Variants in SDCCAG8 observed in about 807,000 individuals in gnomAD.
SDCCAG8 encodes the protein SHH signaling and ciliogenesis regulator SDCCAG8, also known as serologically defined colon cancer antigen 8.
SDCCAG8 carries 74 observed loss-of-function variants against 101.8 expected under a neutral mutation model. The ratio of observed to expected loss-of-function variants is 0.73; its 90% confidence interval spans 0.60 to 0.88. SDCCAG8 has a LOEUF of 0.88. Among genes scored for constraint, SDCCAG8 ranks in the 40% least tolerant of loss-of-function variants. The pLI is 0.00. For synonymous variants in SDCCAG8, 281 were observed against 292.9 expected (o/e 0.96, Z 0.41); for missense variants, 787 against 822.6 (o/e 0.96, Z 0.53).
intron 1 of SDCCAG8, among the ~76,000 whole-genome samples, chr1:243,263,327 A>T (rs2067331876): frequency 6.6e-6 from 1 of 152,192 alleles, no homozygotes; most frequent in Non-Finnish European, 1.5e-5. Context: ...CCCCTTCCAA[A>T]AGAGAATTAT....
intron 10 of SDCCAG8, among the ~76,000 whole-genome samples, chr1:243,331,342 C>G (rs2074578188): frequency 6.6e-6 from 1 of 152,152 alleles, no homozygotes. Context: ...TGTGGTCCAT[C>G]AAGTAACCAA....
At chr1:243,344,081 T>C (rs1294033283) in intron 11 of SDCCAG8, 134 bp from the exon 12 acceptor site, 9 of 728,476 alleles carry the variant, frequency 1.2e-5, no homozygotes, top group Admixed American at 2.1e-5. Context: ...AATAGTCTAA[T>C]AGAAAATGGC....
chr1:243,481,839 C>CGTAG (rs1663816961), intron 16 of SDCCAG8, among the ~76,000 whole-genome samples: 2 of 152,104 alleles, frequency 1.3e-5, no homozygotes, highest in African/African-American at 2.4e-5. Flanking sequence ...CACTGTAGTC[C>CGTAG]GTAGGTAGCT....
At chr1:243,292,129 C>T (rs1035403497) in intron 5 of SDCCAG8, among the ~76,000 whole-genome samples, 11 of 152,154 alleles carry the variant, frequency 7.2e-5, no homozygotes, top group African/African-American at 1.9e-4. Context: ...TGGATGCATT[C>T]GCCAACCCAG....
At chr1:243,268,137 G>A (rs2067784536) in intron 1 of SDCCAG8, 2 of 644,632 alleles carry the variant, frequency 3.1e-6, no homozygotes, top group South Asian at 3.6e-5. Context: ...CCACACTCCT[G>A]TTTCTTCCGT....
rs529849896 is a variant in SDCCAG8 at position 243,351,501 on chromosome 1, A to G, written c.1473+7170A>G. 3.9e-5 allele frequency among the ~76,000 whole-genome samples: 6 copies of G among 152,370 alleles called. No homozygotes were observed. In the East Asian group the frequency reaches 9.6e-4, roughly 24 times the overall value. On this transcript the variant is annotated intron_variant, in intron 12 of 17. Coordinates refer to ENST00000366541, the MANE Select transcript of SDCCAG8 (RefSeq NM_006642.5). ...ATGTAGTGTGAACTTCATGCTGGCT[A>G]CAGCCCATGAGAGGGAGAATCTGGT... is the stretch of plus-strand genomic sequence containing the variant.
chr1:243,297,451 TC>T (rs2071043815), intron 6 of SDCCAG8, among the ~76,000 whole-genome samples: 1 of 152,194 alleles, frequency 6.6e-6, no homozygotes, highest in African/African-American at 2.4e-5. Flanking sequence ...GGAGTGGAAT[TC>T]TTGCTCTCAG....
Position 243,418,168 on chromosome 1 carries a change from C to T in SDCCAG8, c.1853+92C>T, listed in dbSNP as rs936465978. The T allele has an allele frequency of 7.9e-5, 70 of 881,402 alleles. No homozygotes were observed. The South Asian group carries it at 8.9e-4, about 11-fold the overall frequency. The allele number at this position is 881,402 out of a possible 1,614,324, so 54.6% of individuals were successfully genotyped here. On this transcript the variant is annotated intron_variant, in intron 15 of 17. Transcript: ENST00000366541. Reference sequence around the variant, plus strand: ...AACATCATTTGCACTGTTTTATAGTCTAATGTCAAAATTAGGTATCTGCTG... The same window carrying T: ...AACATCATTTGCACTGTTTTATAGTTTAATGTCAAAATTAGGTATCTGCTG...
At chr1:243,367,741 G>A (rs1406825211) in intron 12 of SDCCAG8, among the ~76,000 whole-genome samples, 2 of 148,920 alleles carry the variant, frequency 1.3e-5, no homozygotes, top group South Asian at 2.1e-4. Context: ...ATGCATTCAT[G>A]TATAATATTA....
chr1:243,380,767 T>G (rs573050354), intron 13 of SDCCAG8, among the ~76,000 whole-genome samples: 1 of 152,076 alleles, frequency 6.6e-6, no homozygotes, highest in Non-Finnish European at 1.5e-5. Context: ...ATTTTCTAAG[T>G]GCGGTACTCT....
chr1:243,354,912 C>T (rs1356559880), intron 12 of SDCCAG8, among the ~76,000 whole-genome samples: 3 of 152,174 alleles, frequency 2.0e-5, no homozygotes, highest in African/African-American at 7.2e-5. Flanking sequence ...TTCTGACCCT[C>T]ACTGGAGTTC....
rs1470980259 is a variant in SDCCAG8, at chr1:243,266,963, T to A, written c.68-3142T>A. On this transcript the variant is annotated intron_variant, in intron 1 of 17. Transcript: ENST00000366541. ...CGTCTCAAAAAAAAAAAAAAAAAAA[T>A]GCTGGGCGCGGTGGCTCACGCTTGT... Among the ~76,000 whole-genome samples the A allele has an allele frequency of 4.3e-3, 342 of 79,756 alleles. 1 individual carries two copies. The highest frequency in any genetic ancestry group is 0.011 in the African/African-American group (285 of 25,294). The allele number at this position is 79,756 out of a possible 152,430, so 52.3% of individuals were successfully genotyped here.
intron 9 of SDCCAG8, among the ~76,000 whole-genome samples, chr1:243,327,373 G>GAAATTAAAATTATAATTATAATTTTATAA (rs1207709968): frequency 1.4e-5 from 2 of 142,340 alleles, no homozygotes; most frequent in Admixed American, 7.0e-5. Context: ...TAATTTTATA[G>GAAATTAAAATTATAATTATAATTTTATAA]AAATTAAAAT....
intron 12 of SDCCAG8, among the ~76,000 whole-genome samples, chr1:243,370,424 A>T (rs1470990470): frequency 2.0e-5 from 3 of 152,128 alleles, no homozygotes; most frequent in Non-Finnish European, 4.4e-5. Flanking sequence ...TTTAGCAAAC[A>T]TAAAGTCTTT....
intron 1 of SDCCAG8, among the ~76,000 whole-genome samples, chr1:243,263,682 T>C (rs1490433250): frequency 6.6e-6 from 1 of 152,156 alleles, no homozygotes; most frequent in Non-Finnish European, 1.5e-5. Context: ...ACATTCTTTA[T>C]CAGATTATCT....
chr1:243,286,284 G>A lies in SDCCAG8; in HGVS notation c.433G>A (p.Gly145Arg), dbSNP rs1251166857. The change falls in exon 5 of 18, where the codon GGA becomes AGA. Residue 145 changes from glycine (G) to arginine (R), a missense_variant. Transcript: ENST00000366541. ...TTGTTTATTATAGGAGGAACTCTCT[G>A]GAATGAAAAATAAAATACAAGTAGT... The part of the protein sequence containing the change: ...EVKFCKEELS[G>R]MKNKIQVVVL... The A allele has an allele frequency of 1.2e-6, 2 of 1,613,936 alleles. No homozygotes were observed. The highest frequency in any genetic ancestry group is 1.7e-6 in the Non-Finnish European group (2 of 1,179,856).
intron 8 of SDCCAG8, among the ~76,000 whole-genome samples, chr1:243,314,032 G>A (rs935670193): frequency 6.6e-6 from 1 of 152,168 alleles, no homozygotes; most frequent in African/African-American, 2.4e-5. Context: ...AATTATTTGT[G>A]GGGTTGCTTG....
intron 9 of SDCCAG8, among the ~76,000 whole-genome samples, chr1:243,320,134 A>G (rs2073630558): frequency 6.6e-6 from 1 of 152,216 alleles, no homozygotes; most frequent in Non-Finnish European, 1.5e-5. Context: ...TGCTCTGATC[A>G]GAAAACTGGA....
At chr1:243,269,953 C>A in intron 1 of SDCCAG8, 152 bp from the exon 2 acceptor site, 1 of 1,024,994 alleles carries the variant, frequency 9.8e-7, no homozygotes, top group Non-Finnish European at 1.5e-6. Context: ...ATCTTTGGCA[C>A]ATCCCTCAGC....
Sources: allele counts gnomAD v4.1 joint callset (sites outside exome capture counted in the v4.1 genomes callset), GRCh38; gene constraint gnomAD v4.1.1; transcripts MANE v1.5; gene names NCBI Gene and HGNC (gene_info 2026-07-23, HGNC 2026-07-21).